OR2T6: variants seen among roughly 807,000 people sequenced by gnomAD.
OR2T6 encodes olfactory receptor family 2 subfamily T member 6.
For missense variants in OR2T6, 424 were observed against 391.6 expected (o/e 1.08, Z -0.70); for synonymous variants, 174 against 148.0 (o/e 1.18, Z -1.27).
At chr1:248,383,596 G>A (rs1245879484) in intron 1 of OR2T6, among the ~76,000 whole-genome samples, 5 of 130,610 alleles carry the variant, frequency 3.8e-5, no homozygotes, top group Admixed American at 7.4e-5. Flanking sequence ...TATTGTCATG[G>A]GTAAAGCACT....
intron 2 of OR2T6, among the ~76,000 whole-genome samples, chr1:248,386,046 T>C (rs1481361810): frequency 6.6e-6 from 1 of 152,206 alleles, no homozygotes; most frequent in Non-Finnish European, 1.5e-5. Context: ...TCAGTGCAAG[T>C]ATTTCAGAAT....
Position 248,387,883 on chromosome 1 carries a change from T to A in OR2T6, c.275T>A (p.Ile92Asn). 6.3e-7 allele frequency: 1 copy of A among 1,594,578 alleles called. No individual in the cohort carries two copies. Among genetic ancestry groups the A allele is most frequent in the Non-Finnish European group, 8.6e-7 (1 of 1,167,140 alleles). ...GATTATCTCATGGGCGAGGGGACCA[T>A]CTCTTTCATCGCCTGCACTGCTCAG... ...LVDYLMGEGT[I>N]SFIACTAQCF... The change falls in exon 3 of 3, where the codon ATC becomes AAC. Residue 92 changes from isoleucine to asparagine, a missense_variant. Transcript: ENST00000641644.
At chr1:248,381,355 A>G in intron 1 of OR2T6, among the ~76,000 whole-genome samples, 1 of 151,914 alleles carries the variant, frequency 6.6e-6, no homozygotes, top group East Asian at 1.9e-4. Context: ...ATAATTGTAT[A>G]TGTTTTTATT....
At chr1:248,379,161 C>A (rs1401765485) in intron 1 of OR2T6, among the ~76,000 whole-genome samples, 1 of 152,046 alleles carries the variant, frequency 6.6e-6, no homozygotes, top group Non-Finnish European at 1.5e-5. Flanking sequence ...AGGAACAGAG[C>A]AAGTTCCTGT....
chr1:248,388,052 T>A lies in OR2T6; in HGVS notation c.444T>A (p.Ser148=). ...TCTGCTGGATGATCCTGGCCAGCTC[T>A]TGGTTCGGTGGGGCTTTGGACAGTT... ...WRVCWMILAS[S]WFGGALDSFL... Residue 148 remains serine, a synonymous_variant, in exon 3 of 3, where the codon TCT becomes TCA. Transcript: ENST00000641644. 1 of 1,614,064 alleles carries A rather than the reference T, an allele frequency of 6.2e-7. No individual in the cohort carries two copies. Among genetic ancestry groups the A allele is most frequent in the Non-Finnish European group, 8.5e-7 (1 of 1,179,994 alleles).
intron 2 of OR2T6, among the ~76,000 whole-genome samples, chr1:248,385,486 T>A (rs28514998): frequency 5.3e-5 from 8 of 152,052 alleles, no homozygotes; most frequent in Non-Finnish European, 1.0e-4. Context: ...AATGACAGTC[T>A]TCTTCCTGGA....
chr1:248,383,162 G>A (rs28556921), intron 1 of OR2T6, among the ~76,000 whole-genome samples: 1,165 of 41,306 alleles, frequency 0.028, 140 homozygotes, highest in African/African-American at 0.14. Context: ...TCCTATCCTG[G>A]TGTGTTTCCT....
intron 1 of OR2T6, among the ~76,000 whole-genome samples, chr1:248,383,080 C>A: frequency 6.8e-6 from 1 of 146,612 alleles, no homozygotes; most frequent in African/African-American, 2.6e-5. Flanking sequence ...CCTGAGTGTG[C>A]TCATCCTATC....
At chr1:248,386,406 TG>T (rs1371025408) in intron 2 of OR2T6, among the ~76,000 whole-genome samples, 1 of 151,950 alleles carries the variant, frequency 6.6e-6, no homozygotes, top group Non-Finnish European at 1.5e-5. Context: ...TTGAGTGAAA[TG>T]AGGAGGACAT....
At chr1:248,383,707 T>A (rs111337860) in intron 1 of OR2T6, among the ~76,000 whole-genome samples, 33 of 46,540 alleles carry the variant, frequency 7.1e-4, no homozygotes, top group African/African-American at 4.7e-3. Flanking sequence ...CCTATCCTGA[T>A]GTGTTTCCTA....
At chr1:248,385,218 C>T (rs919780924) in intron 2 of OR2T6, among the ~76,000 whole-genome samples, 1 of 152,084 alleles carries the variant, frequency 6.6e-6, no homozygotes. Context: ...CATGTGCTGG[C>T]CAAAACCGAA....
chr1:248,386,972 A>G (rs960697549), intron 2 of OR2T6, among the ~76,000 whole-genome samples: 4 of 152,228 alleles, frequency 2.6e-5, no homozygotes, highest in Non-Finnish European at 5.9e-5. Context: ...CAGTATCCCC[A>G]GAGCTTAGAA....
At chr1:248,380,784 G>GT (rs1491525665) in intron 1 of OR2T6, among the ~76,000 whole-genome samples, 1 of 102,702 alleles carries the variant, frequency 9.7e-6, no homozygotes, top group African/African-American at 3.5e-5. Flanking sequence ...ATATATTTTA[G>GT]TAAAAAAAAA....
At chr1:248,382,136 C>T (rs1431067024) in intron 1 of OR2T6, among the ~76,000 whole-genome samples, 3 of 104,288 alleles carry the variant, frequency 2.9e-5, no homozygotes, top group Admixed American at 2.6e-4. Flanking sequence ...AATTCTGGCT[C>T]CAGAGCTCTC....
At chr1:248,378,393 T>G (rs972764553) in intron 1 of OR2T6, among the ~76,000 whole-genome samples, 2 of 152,256 alleles carry the variant, frequency 1.3e-5, no homozygotes, top group African/African-American at 4.8e-5. Context: ...TTCTTGTACT[T>G]AAGTTTTTGA....
At chr1:248,384,996 A>C (rs1661112777) in intron 2 of OR2T6, 132 bp downstream of exon 2, 1 of 152,198 alleles carries the variant, frequency 6.6e-6, no homozygotes, top group Non-Finnish European at 1.5e-5. Context: ...TCCTAAATGA[A>C]GTCTCCTGTT....
chr1:248,379,417 A>G lies in OR2T6; in HGVS notation c.-159+3363A>G, dbSNP rs1048586492. Reference sequence around the variant, plus strand: ...TCTGGGAGAGAGGTGCCAGGAATTGACAGAGTGCTGCAGAGTAGAGAGCTG... The same window carrying G: ...TCTGGGAGAGAGGTGCCAGGAATTGGCAGAGTGCTGCAGAGTAGAGAGCTG... On this transcript the variant is annotated intron_variant, in intron 1 of 2. Coordinates refer to ENST00000641644, the MANE Select transcript of OR2T6 (RefSeq NM_001005471.2). Among the ~76,000 whole-genome samples, 19 of 152,148 alleles carry G rather than the reference A, an allele frequency of 1.2e-4. 1 individual carries two copies. The highest frequency in any genetic ancestry group is 4.4e-5 in the Non-Finnish European group (3 of 68,020).
intron 1 of OR2T6, among the ~76,000 whole-genome samples, chr1:248,381,933 C>T (rs527326109): frequency 3.9e-5 from 6 of 152,044 alleles, no homozygotes; most frequent in Admixed American, 2.0e-4. Context: ...CTAATGATAT[C>T]GATAATAAGT....
At position 248,390,109 on chromosome 1, in the gene OR2T6, A is replaced by G. The variant is rs1369121367; in HGVS notation, c.*1574A>G. The G allele has an allele frequency of 6.6e-6, 1 of 152,178 alleles. No individual in the cohort carries two copies. Among genetic ancestry groups the G allele is most frequent in the Non-Finnish European group, 1.5e-5 (1 of 68,024 alleles). The allele number at this position is 152,178 out of a possible 1,614,324, so 9.4% of individuals were successfully genotyped here. On this transcript the variant is annotated 3_prime_UTR_variant, in exon 3 of 3. Coordinates refer to ENST00000641644, the MANE Select transcript of OR2T6 (RefSeq NM_001005471.2). ...TTTGAGTCCTTATCTGGTTGGATAC[A>G]GTCTTTTATTTTTTAATTTGTTTAG...
Sources: allele counts gnomAD v4.1 joint callset (sites outside exome capture counted in the v4.1 genomes callset), GRCh38; gene constraint gnomAD v4.1.1; transcripts MANE v1.5; gene names NCBI Gene and HGNC (gene_info 2026-07-23, HGNC 2026-07-21).